Variants in PLEKHA7 observed in about 807,000 individuals in gnomAD.
PLEKHA7 encodes pleckstrin homology domain containing A7.
PLEKHA7 carries 104 observed loss-of-function variants against 170.0 expected under a neutral mutation model. The ratio of observed to expected loss-of-function variants is 0.61; its 90% CI spans 0.52 to 0.72. PLEKHA7 has a LOEUF of 0.72. Among genes scored for constraint, PLEKHA7 ranks in the 30% least tolerant of loss-of-function variants. PLEKHA7 has a pLI of 0.00. For synonymous variants in PLEKHA7, 648 were observed against 660.8 expected, an observed-to-expected ratio of 0.98 and a Z score of 0.30; for missense variants, 1,615 against 1,671.7, an observed-to-expected ratio of 0.97 and a Z score of 0.59.
intron 8 of PLEKHA7, among the ~76,000 whole-genome samples, chr11:16,846,188 G>A (rs1852391591): frequency 6.6e-6 from 1 of 152,138 alleles, no homozygotes; most frequent in African/African-American, 2.4e-5. Context: ...AAGAGGCTGA[G>A]GCAGGAGAAT....
At chr11:16,854,093 T>C (rs1010773653) in intron 6 of PLEKHA7, among the ~76,000 whole-genome samples, 6 of 152,208 alleles carry the variant, frequency 3.9e-5, no homozygotes, top group Non-Finnish European at 8.8e-5. Context: ...TGATACTTGC[T>C]CTTAGCAACT....
chr11:17,013,913 C>T (rs1383479067), intron 3 of PLEKHA7, 76 bp downstream of exon 3: 6 of 1,449,064 alleles, frequency 4.1e-6, no homozygotes, highest in Non-Finnish European at 5.5e-6. Context: ...AGAGGAAGGG[C>T]GGGGCGCCCG....
At chr11:16,985,775 G>T (rs991740498) in intron 3 of PLEKHA7, among the ~76,000 whole-genome samples, 2 of 152,200 alleles carry the variant, frequency 1.3e-5, no homozygotes, top group Non-Finnish European at 2.9e-5. Context: ...ACAGACTAAG[G>T]TGATATGTGG....
rs767376778 is a variant in PLEKHA7, at chr11:16,794,509, T to G, written c.2724A>C (p.Pro908=). The change falls in exon 19 of 27, where the codon CCA becomes CCC. Residue 908 remains proline, a synonymous_variant. Coordinates refer to ENST00000531066, the MANE Select transcript of PLEKHA7 (RefSeq NM_001329630.2). The part of the protein sequence containing the change: ...LRKVTSPLQS[P]TKAKPKVEDE... ...TTACAACTTTGGGCTTCGCCTTAGTTGGTGACTGAAGGGGGGATGTCACTT... is the reference window on the plus strand; with the variant it reads ...TTACAACTTTGGGCTTCGCCTTAGTGGGTGACTGAAGGGGGGATGTCACTT... The G allele has an allele frequency of 6.2e-7, 1 of 1,613,806 alleles. No individual in the cohort carries two copies. The highest frequency in any genetic ancestry group is 1.3e-5 in the African/African-American group (1 of 74,870).
chr11:16,825,906 C>T (rs1481658556), intron 10 of PLEKHA7, among the ~76,000 whole-genome samples: 1 of 152,202 alleles, frequency 6.6e-6, no homozygotes, highest in Non-Finnish European at 1.5e-5. Context: ...CAGCTGTGTG[C>T]TGTGGGCAGG....
rs1590122500 is a variant in PLEKHA7 at position 16,789,384 on chromosome 11, GTC to G, written c.3157-90_3157-89del. The G allele has an allele frequency of 6.2e-6, 8 of 1,283,132 alleles. No individual in the cohort carries two copies. Among genetic ancestry groups the G allele is most frequent in the East Asian group, 2.3e-5 (1 of 43,036 alleles). The allele number at this position is 1,283,132 out of a possible 1,614,324, so 79.5% of individuals were successfully genotyped here. On this transcript the variant is annotated intron_variant, in intron 22 of 26. Coordinates refer to ENST00000531066, the MANE Select transcript of PLEKHA7 (RefSeq NM_001329630.2). This position sits in a 1 kb window ranked among gnomAD's most constrained non-coding sequence, Gnocchi z 4.6. ...CCACCCTGCTGGCTGCATTCCCGTT[GTC>G]TCTCTCTCACACACATGCACACTCT... is the stretch of plus-strand genomic sequence containing the variant.
At position 17,003,023 on chromosome 11, in the gene PLEKHA7, G is replaced by A. The variant is rs191712919; in HGVS notation, c.221+10966C>T. On this transcript the variant is annotated intron_variant, in intron 3 of 26. Transcript: ENST00000531066. ...TTTTTTTTTTTTGTGATGGAGTTTC[G>A]CTCTTGTTGCCTAGGCTGGCATGCA... Among the ~76,000 whole-genome samples, 115 of 117,946 alleles carry A rather than the reference G, an allele frequency of 9.8e-4. 1 individual carries two copies. The highest frequency in any genetic ancestry group is 9.1e-3 in the Admixed American group (81 of 8,866). 77.4% of individuals were successfully genotyped at this position (117,946 alleles called of 152,430 possible).
At chr11:16,988,698 A>G (rs994195527) in intron 3 of PLEKHA7, among the ~76,000 whole-genome samples, 3 of 152,134 alleles carry the variant, frequency 2.0e-5, no homozygotes, top group Non-Finnish European at 2.9e-5. Context: ...CACCCACCTC[A>G]GCCTCCCAAG....
Position 16,841,673 on chromosome 11 carries a change from C to T in PLEKHA7, c.746G>A (p.Gly249Asp). The change falls in exon 9 of 27, where the codon GGC becomes GAC. Residue 249 changes from glycine (G) to aspartate (D), a missense_variant. Transcript: ENST00000531066. ...CATGCCTGACTGCTCGGCCTGAGAG[C>T]CCGCTGTGGAGCTGTTATAGATGAG... ...RALIYNSSTA[G>D]SQAEQSGMRT... 6.2e-7 allele frequency: 1 copy of T among 1,614,154 alleles called. No homozygotes were observed.
At chr11:16,892,435 T>TGTGTGTGTGTGTG (rs1554964897) in intron 3 of PLEKHA7, among the ~76,000 whole-genome samples, 169 of 98,378 alleles carry the variant, frequency 1.7e-3, no homozygotes, top group African/African-American at 4.3e-3. Context: ...TGTGTGTGTG[T>TGTGTGTGTGTGTG]TTTGTTTTGT....
rs1411882270 is a variant in PLEKHA7, at chr11:16,835,633, GTTTAA to G, written c.872+5909_872+5913del. Among the ~76,000 whole-genome samples the G allele has an allele frequency of 1.3e-5, 2 of 152,192 alleles. 1 individual carries two copies. Among genetic ancestry groups the G allele is most frequent in the Admixed American group, 1.3e-4 (2 of 15,284 alleles). On this transcript the variant is annotated intron_variant, in intron 9 of 26. Coordinates refer to ENST00000531066, the MANE Select transcript of PLEKHA7 (RefSeq NM_001329630.2). ...GACTAAGTAAGCACTTGATACATTT[GTTTAA>G]TTTAATCCTTGTAGCAAGCCTATGA...
chr11:16,803,349 T>C, intron 13 of PLEKHA7, 54 bp from the exon 14 acceptor site: 1 of 1,549,720 alleles, frequency 6.5e-7, no homozygotes, highest in Non-Finnish European at 8.9e-7. Flanking sequence ...AGATCAGAAC[T>C]CAGGAAAGAA....
chr11:16,854,277 C>T (rs894647788), intron 6 of PLEKHA7, among the ~76,000 whole-genome samples: 10 of 152,260 alleles, frequency 6.6e-5, no homozygotes, highest in Admixed American at 5.9e-4. Context: ...TGGCCTCAGC[C>T]GACAGAGCTG....
At chr11:16,864,281 A>G (rs545243394) in intron 4 of PLEKHA7, among the ~76,000 whole-genome samples, 2 of 152,330 alleles carry the variant, frequency 1.3e-5, no homozygotes, top group South Asian at 4.1e-4. Context: ...ATTGCTGTGA[A>G]AATTAAATAT....
intron 13 of PLEKHA7, among the ~76,000 whole-genome samples, chr11:16,808,338 C>T (rs971205556): frequency 3.9e-5 from 6 of 152,140 alleles, no homozygotes; most frequent in African/African-American, 1.2e-4. Context: ...TTCTCCAGAA[C>T]AATAGACCTC....
Position 16,981,751 on chromosome 11 carries a change from T to C in PLEKHA7, c.221+32238A>G, listed in dbSNP as rs796882024. ...TCCCCACAGATTCCAGGGTGGAGAA[T>C]GTCCAATTAAAATGCATTCTGCCAG... On this transcript the variant is annotated intron_variant, in intron 3 of 26. Coordinates refer to ENST00000531066, the MANE Select transcript of PLEKHA7 (RefSeq NM_001329630.2). Among the ~76,000 whole-genome samples, 8 of 152,068 alleles carry C rather than the reference T, an allele frequency of 5.3e-5. 1 individual carries two copies. The highest frequency in any genetic ancestry group is 1.9e-4 in the African/African-American group (8 of 41,470).
intron 3 of PLEKHA7, among the ~76,000 whole-genome samples, chr11:16,979,567 C>T (rs559064230): frequency 5.3e-5 from 8 of 152,328 alleles, no homozygotes; most frequent in Admixed American, 2.6e-4. Flanking sequence ...AACCATACAT[C>T]ACCATAGCTC....
chr11:16,944,901 G>GT (rs1269720654), intron 3 of PLEKHA7, among the ~76,000 whole-genome samples: 1 of 152,126 alleles, frequency 6.6e-6, no homozygotes, highest in Admixed American at 6.5e-5. Context: ...TGAAGTTCAT[G>GT]TTATTGTTAA....
chr11:16,817,920 T>C lies in PLEKHA7; in HGVS notation c.1344-598A>G, dbSNP rs144675563. 4.6e-5 allele frequency among the ~76,000 whole-genome samples: 7 copies of C among 152,298 alleles called. No individual in the cohort carries two copies. Among genetic ancestry groups the C allele is most frequent in the Admixed American group, 4.6e-4 (7 of 15,302 alleles). On this transcript the variant is annotated intron_variant, in intron 10 of 26. Coordinates refer to ENST00000531066, the MANE Select transcript of PLEKHA7 (RefSeq NM_001329630.2). This position sits in a 1 kb window ranked among gnomAD's most constrained non-coding sequence, Gnocchi z 4.4. ...TCCTTGTCCCTTCTGAAATAAAGTCTAAACTCCTCAGCCTGGTACTCACAG... is the reference window on the plus strand; with the variant it reads ...TCCTTGTCCCTTCTGAAATAAAGTCCAAACTCCTCAGCCTGGTACTCACAG...
Sources: allele counts gnomAD v4.1 joint callset (sites outside exome capture counted in the v4.1 genomes callset), GRCh38; gene constraint gnomAD v4.1.1; non-coding constraint Gnocchi (gnomAD v3.1); transcripts MANE v1.5; gene names NCBI Gene and HGNC (gene_info 2026-07-23, HGNC 2026-07-21).